The following FNBP4 variants were observed in gnomAD, a reference collection of about 807,000 sequenced individuals.
FNBP4 encodes formin-binding protein 4.
FNBP4 carries 34 observed loss-of-function variants against 119.3 expected under a neutral mutation model. The observed-to-expected ratio is 0.28, with a 90% CI of 0.22 to 0.38. FNBP4 has a LOEUF of 0.38. Ranked by LOEUF, FNBP4 falls within the 10% of genes least tolerant of loss-of-function variation. The pLI, the probability that FNBP4 is intolerant of heterozygous loss-of-function variation, is 1.00. For synonymous variants in FNBP4, 462 were observed against 430.6 expected (o/e 1.07, Z -0.90); for missense variants, 1,112 against 1,228.9 (o/e 0.90, Z 1.42).
intron 8 of FNBP4, among the ~76,000 whole-genome samples, chr11:47,742,594 A>G (rs1177697404): frequency 6.6e-6 from 1 of 151,876 alleles, no homozygotes; most frequent in African/African-American, 2.4e-5. Context: ...CCAACTGAAA[A>G]GAAAAAATTC....
rs570424307 is a variant in FNBP4 at position 47,753,025 on chromosome 11, T to C, written c.528A>G (p.Pro176=). 6.2e-7 allele frequency: 1 copy of C among 1,614,162 alleles called. No individual in the cohort carries two copies. Among genetic ancestry groups the C allele is most frequent in the Middle Eastern group, 1.6e-4 (1 of 6,062 alleles). Residue 176 remains proline (P), a synonymous_variant, in exon 4 of 17, where the codon CCA becomes CCG. Coordinates refer to ENST00000263773, the MANE Select transcript of FNBP4 (RefSeq NM_015308.5). The part of the protein sequence containing the change: ...ASAPPPTPPR[P]EPKEAATSTL... ...TAGATGTTGCTGCTTCCTTTGGCTC[T>C]GGTCGAGGTGGAGTTGGAGGTGGAG...
At chr11:47,738,370 C>A (rs2097577040) in intron 8 of FNBP4, among the ~76,000 whole-genome samples, 1 of 151,940 alleles carries the variant, frequency 6.6e-6, no homozygotes, top group South Asian at 2.1e-4. Context: ...TCAAGACCAG[C>A]CTGGCCAACA....
chr11:47,717,693 AG>A, intron 16 of FNBP4, among the ~76,000 whole-genome samples, 181 bp from the exon 17 acceptor site: 1 of 152,322 alleles, frequency 6.6e-6, no homozygotes, highest in East Asian at 1.9e-4. Context: ...TCATTCTGAT[AG>A]GTCAACCAAA....
chr11:47,758,866 CGG>C (rs969900031), intron 2 of FNBP4, among the ~76,000 whole-genome samples: 1 of 148,374 alleles, frequency 6.7e-6, no homozygotes, highest in Non-Finnish European at 1.5e-5. Context: ...TAAAAAAAAG[CGG>C]GGGGGAAAAG....
At chr11:47,755,307 G>C (rs763474653) in intron 2 of FNBP4, among the ~76,000 whole-genome samples, 62 of 151,692 alleles carry the variant, frequency 4.1e-4, no homozygotes, top group Non-Finnish European at 7.9e-4. Flanking sequence ...AAATTATCCA[G>C]GTGTGGTGGC....
rs200079734 is a variant in FNBP4, at chr11:47,740,973, C to CCA, written c.1456+2978_1456+2979dup. Reference sequence around the variant, plus strand: ...GTGCCATCTCAGCTCACCACAACCTCCACCTCCCCAGTTCAAGAGATTCTC... The same window carrying CCA: ...GTGCCATCTCAGCTCACCACAACCTCCACACCTCCCCAGTTCAAGAGATTCTC... On this transcript the variant is annotated intron_variant, in intron 8 of 16. Transcript: ENST00000263773. Among the ~76,000 whole-genome samples the CCA allele has an allele frequency of 8.1e-3, 1,230 of 150,978 alleles. 57 individuals carry two copies. Among genetic ancestry groups the CCA allele is most frequent in the African/African-American group, 0.028 (1,146 of 40,670 alleles).
intron 2 of FNBP4, among the ~76,000 whole-genome samples, chr11:47,755,821 T>C (rs568081016): frequency 2.5e-3 from 371 of 151,358 alleles, no homozygotes; most frequent in Middle Eastern, 0.014. Flanking sequence ...ACAAAAAAAA[T>C]CGAGAACAAG....
chr11:47,747,629 T>C (rs1024175035), intron 6 of FNBP4, among the ~76,000 whole-genome samples: 7 of 152,092 alleles, frequency 4.6e-5, no homozygotes, highest in Non-Finnish European at 8.8e-5. Context: ...TTAGTAAGTA[T>C]GCCATGAAGG....
chr11:47,767,032 C>T (rs1056513334), intron 1 of FNBP4, 37 bp downstream of exon 1: 7 of 1,514,858 alleles, frequency 4.6e-6, no homozygotes, highest in African/African-American at 1.4e-5. Context: ...GGCCGCAAGC[C>T]CTGAGCTCGA....
chr11:47,735,908 T>A (rs1023347280), intron 9 of FNBP4, among the ~76,000 whole-genome samples: 10 of 151,508 alleles, frequency 6.6e-5, no homozygotes, highest in African/African-American at 2.4e-4. Flanking sequence ...TGAAACCCCA[T>A]CTCTACTAAA....
In FNBP4 at chr11:47,765,374, AAAAAG is replaced by A. The variant is rs3842251; in HGVS notation, c.221-17_221-13del. 41,244 of 1,033,100 alleles carry A rather than the reference AAAAAG, an allele frequency of 0.04. 1,079 individuals are homozygous for A. The highest frequency in any genetic ancestry group is 0.064 in the African/African-American group (3,528 of 55,444). 64.0% of individuals were successfully genotyped at this position (1,033,100 alleles called of 1,614,324 possible). On this transcript the variant is annotated splice_polypyrimidine_tract_variant and intron_variant, in intron 1 of 16. Coordinates refer to ENST00000263773, the MANE Select transcript of FNBP4 (RefSeq NM_015308.5). ...CGCTTCCTGTTCATCTGGATTAAAAAAAAAGAAAAGAAAAGAAAAGAAAAGAAAAG... is the reference window on the plus strand; with the variant it reads ...CGCTTCCTGTTCATCTGGATTAAAAAAAAAGAAAAGAAAAGAAAAGAAAAG...
intron 12 of FNBP4, chr11:47,726,757 G>A (rs1034356696): frequency 6.6e-6 from 1 of 152,102 alleles, no homozygotes; most frequent in African/African-American, 2.4e-5. Flanking sequence ...AGTACACAAG[G>A]ACTACATCAG....
chr11:47,733,759 T>C (rs1012866107), intron 10 of FNBP4, among the ~76,000 whole-genome samples: 14 of 152,182 alleles, frequency 9.2e-5, no homozygotes, highest in African/African-American at 3.4e-4. Flanking sequence ...AACAGACTTA[T>C]AATGCTTTAA....
rs767671841 is a variant in FNBP4, at chr11:47,746,372, G to C, written c.929C>G (p.Ala310Gly). 4 of 1,598,112 alleles carry C rather than the reference G, an allele frequency of 2.5e-6. No homozygotes were observed. Among genetic ancestry groups the C allele is most frequent in the African/African-American group, 2.7e-5 (2 of 73,798 alleles). Reference protein sequence around the residue: ...VKKEVNEGIQALSNSEEEKKG... With the variant: ...VKKEVNEGIQGLSNSEEEKKG... ...CTTCTCCTCCTCACTATTTGAGAGA[G>C]CCTGAATTCCTTCATTTACTTCCTA... The change falls in exon 7 of 17, where the codon GCT becomes GGT. Residue 310 changes from alanine to glycine, a missense_variant. By Grantham distance (60) the Ala-to-Gly change is moderately conservative (BLOSUM62 0). Transcript: ENST00000263773.
rs376898974 is a variant in FNBP4 at position 47,732,488 on chromosome 11, T to C, written c.1820+49A>G. The C allele has an allele frequency of 6.2e-7, 1 of 1,611,992 alleles. No homozygotes were observed. The highest frequency in any genetic ancestry group is 1.3e-5 in the African/African-American group (1 of 74,984). ...GTCAGATGGTGGTGATCACAAATCA[T>C]GTCTGAGATGTCAAAGGTGAAAGGT... On this transcript the variant is annotated intron_variant, in intron 11 of 16. Transcript: ENST00000263773. The surrounding 1 kb of genome is among the most constrained non-coding windows in gnomAD (Gnocchi z 4.2).
intron 10 of FNBP4, among the ~76,000 whole-genome samples, chr11:47,733,603 G>A (rs1397547864): frequency 6.6e-6 from 1 of 152,034 alleles, no homozygotes; most frequent in African/African-American, 2.4e-5. Context: ...CAAAGTGCTG[G>A]GATTACAGGT....
Position 47,719,916 on chromosome 11 carries a change from CCTTTT to C in FNBP4, c.2963+8_2963+12del, listed in dbSNP as rs2097553718. 3 of 1,613,232 alleles carry C rather than the reference CCTTTT, an allele frequency of 1.9e-6. No homozygotes were observed. Among genetic ancestry groups the C allele is most frequent in the African/African-American group, 2.7e-5 (2 of 74,862 alleles). ...CCAAAACCCCATCTCATCTGTGTTT[CCTTTT>C]CTTTTACCTAACCAGCTGCTGCTGT... On this transcript the variant is annotated splice_region_variant and intron_variant, in intron 16 of 16. Transcript: ENST00000263773.
chr11:47,739,409 GA>G (rs2097578664), intron 8 of FNBP4, among the ~76,000 whole-genome samples: 1 of 152,124 alleles, frequency 6.6e-6, no homozygotes, highest in Non-Finnish European at 1.5e-5. Context: ...GCAGGTCCAA[GA>G]ATTTAACAAT....
chr11:47,750,916 C>G lies in FNBP4; in HGVS notation c.906G>C (p.Lys302Asn). ...AAATGAGGTAAGTTTCGACACTGACCTTTTTAACTTCTCGCTTGGCTATGA... is the reference window on the plus strand; with the variant it reads ...AAATGAGGTAAGTTTCGACACTGACGTTTTTAACTTCTCGCTTGGCTATGA... ...GPVIAKREVK[K>N]EVNEGIQALS... The change falls in exon 6 of 17, where the codon AAG becomes AAC. Residue 302 changes from lysine (K) to asparagine (N), a missense_variant and splice_region_variant. By Grantham distance (94) the Lys-to-Asn change is moderately conservative. Transcript: ENST00000263773. The G allele has an allele frequency of 6.2e-7, 1 of 1,613,554 alleles. No individual in the cohort carries two copies.
Sources: gnomAD v4.1 joint callset for allele counts (sites outside exome capture counted in the v4.1 genomes callset) on GRCh38, gnomAD v4.1.1 for gene constraint, Gnocchi (gnomAD v3.1) non-coding constraint, MANE v1.5 for transcripts, NCBI Gene and HGNC (gene_info 2026-07-23, HGNC 2026-07-21) for gene names.